The following GPC6 variants were observed in gnomAD, a reference collection of about 807,000 sequenced individuals.
GPC6 encodes glypican 6.
Under a neutral mutation model 55.2 loss-of-function variants are expected in GPC6, and 14 were observed. The ratio of observed to expected loss-of-function variants is 0.25; its 90% CI spans 0.17 to 0.40. GPC6 has a LOEUF of 0.40. GPC6 is among the 10% of genes least tolerant of loss of function. The pLI is 1.00. For missense variants in GPC6, 641 were observed against 708.5 expected, an observed-to-expected ratio of 0.90 and a Z score of 1.08; for synonymous variants, 278 against 259.6, an observed-to-expected ratio of 1.07 and a Z score of -0.68.
chr13:93,999,292 G>T (rs959200401), intron 3 of GPC6, among the ~76,000 whole-genome samples: 2 of 152,066 alleles, frequency 1.3e-5, no homozygotes, highest in African/African-American at 4.8e-5. Flanking sequence ...TTGGTTTTCT[G>T]TTCTTATGAT....
At chr13:93,496,018 G>C (rs2813587) in intron 1 of GPC6, among the ~76,000 whole-genome samples, 151,014 of 151,636 alleles carry the variant, frequency 1, 75,201 homozygotes, top group Middle Eastern at 1. Context: ...CCTACAGAGG[G>C]AGGCAGGCCT....
At chr13:93,678,780 G>C (rs529718734) in intron 2 of GPC6, among the ~76,000 whole-genome samples, 12 of 152,242 alleles carry the variant, frequency 7.9e-5, no homozygotes, top group Non-Finnish European at 1.5e-4. Flanking sequence ...AGGTGGAACG[G>C]AGCTCAGTGG....
At chr13:93,340,329 C>T (rs909438037) in intron 1 of GPC6, among the ~76,000 whole-genome samples, 2 of 151,962 alleles carry the variant, frequency 1.3e-5, no homozygotes, top group Non-Finnish European at 2.9e-5. Flanking sequence ...CCACCGTGCC[C>T]GGCCCAAAAG....
intron 4 of GPC6, among the ~76,000 whole-genome samples, chr13:94,180,408 T>C (rs1888949037): frequency 6.6e-6 from 1 of 152,206 alleles, no homozygotes; most frequent in Non-Finnish European, 1.5e-5. Flanking sequence ...GCTTCAAATA[T>C]GGCAATTTGA....
intron 1 of GPC6, among the ~76,000 whole-genome samples, chr13:93,298,530 G>A (rs917520311): frequency 6.6e-6 from 1 of 152,126 alleles, no homozygotes; most frequent in Non-Finnish European, 1.5e-5. Flanking sequence ...GACTTCCTGG[G>A]CTTAAGCGAT....
intron 2 of GPC6, among the ~76,000 whole-genome samples, chr13:93,786,923 T>C (rs1430612767): frequency 6.6e-6 from 1 of 152,230 alleles, no homozygotes; most frequent in Non-Finnish European, 1.5e-5. Flanking sequence ...GATTTTTACA[T>C]GGCCTTGAGC....
At chr13:93,294,365 T>C (rs2139084456) in intron 1 of GPC6, among the ~76,000 whole-genome samples, 1 of 152,316 alleles carries the variant, frequency 6.6e-6, no homozygotes, top group Admixed American at 6.5e-5. Context: ...TCTTTAATAA[T>C]GAATCTGTTA....
chr13:93,324,521 A>G (rs951146814), intron 1 of GPC6, among the ~76,000 whole-genome samples: 2 of 137,758 alleles, frequency 1.5e-5, no homozygotes, highest in South Asian at 2.1e-4. Context: ...GCTTGTATTA[A>G]AATATCTCAT....
At chr13:93,447,895 C>G (rs142513118) in intron 1 of GPC6, among the ~76,000 whole-genome samples, 20 of 152,286 alleles carry the variant, frequency 1.3e-4, no homozygotes, top group African/African-American at 4.8e-4. Flanking sequence ...CATTAATGAA[C>G]TAAACCAAAA....
chr13:94,007,409 C>T (rs1027104149), intron 3 of GPC6, among the ~76,000 whole-genome samples: 2 of 152,156 alleles, frequency 1.3e-5, no homozygotes, highest in Non-Finnish European at 2.9e-5. Flanking sequence ...AGACAGTGAA[C>T]ACATGGATAT....
intron 4 of GPC6, among the ~76,000 whole-genome samples, chr13:94,270,978 T>A (rs947643724): frequency 2.8e-4 from 29 of 104,032 alleles, no homozygotes; most frequent in African/African-American, 1.1e-3. Context: ...TTTTTTTTTT[T>A]TTTTTTTTTT....
chr13:93,663,524 AAGAC>A (rs1881010235), intron 2 of GPC6, among the ~76,000 whole-genome samples: 1 of 152,206 alleles, frequency 6.6e-6, no homozygotes, highest in Non-Finnish European at 1.5e-5. Flanking sequence ...ATCTGCCTCT[AAGAC>A]AGATCCGTCT....
At chr13:93,496,198 C>A (rs1001799938) in intron 1 of GPC6, among the ~76,000 whole-genome samples, 1 of 152,120 alleles carries the variant, frequency 6.6e-6, no homozygotes, top group Non-Finnish European at 1.5e-5. Flanking sequence ...TAGGACCCTC[C>A]GAGCCAGGTG....
chr13:93,496,971 A>G (rs747390171), intron 1 of GPC6, among the ~76,000 whole-genome samples: 1 of 152,098 alleles, frequency 6.6e-6, no homozygotes, highest in African/African-American at 2.4e-5. Flanking sequence ...CAATTGGAGG[A>G]TTATGAACAC....
intron 3 of GPC6, among the ~76,000 whole-genome samples, chr13:93,891,558 C>G (rs921474934): frequency 4.6e-5 from 7 of 152,122 alleles, no homozygotes; most frequent in African/African-American, 1.7e-4. Flanking sequence ...TTGAAAGACT[C>G]TAAGAATTTG....
chr13:94,240,818 G>A (rs1194658823), intron 4 of GPC6, among the ~76,000 whole-genome samples: 3 of 152,034 alleles, frequency 2.0e-5, no homozygotes, highest in Non-Finnish European at 4.4e-5. Context: ...GAGGAAGCAG[G>A]TCTTTTAGGC....
At chr13:94,291,096 G>A (rs1874944871) in intron 5 of GPC6, among the ~76,000 whole-genome samples, 1 of 152,090 alleles carries the variant, frequency 6.6e-6, no homozygotes, top group Admixed American at 6.5e-5. Flanking sequence ...AGGAGGCTGA[G>A]GCAGGAGAAT....
chr13:94,335,877 C>G (rs752899600), intron 6 of GPC6, among the ~76,000 whole-genome samples: 3 of 150,188 alleles, frequency 2.0e-5, no homozygotes, highest in Non-Finnish European at 4.4e-5. Flanking sequence ...ACTGAAAGAC[C>G]CTGCTCTCTT....
intron 7 of GPC6, among the ~76,000 whole-genome samples, chr13:94,392,440 T>A: frequency 1.2e-5 from 1 of 80,618 alleles, no homozygotes; most frequent in East Asian, 3.8e-4. Flanking sequence ...TTTTTTTTTT[T>A]TTTTGGAGAT....
Sources: allele counts gnomAD v4.1 joint callset (sites outside exome capture counted in the v4.1 genomes callset), GRCh38; gene constraint gnomAD v4.1.1; transcripts MANE v1.5; gene names NCBI Gene and HGNC (gene_info 2026-07-23, HGNC 2026-07-21).